Variants in ADAM22 observed in about 807,000 individuals in gnomAD.
ADAM22 encodes disintegrin and metalloproteinase domain-containing protein 22.
Under a neutral mutation model 144.6 loss-of-function variants are expected in ADAM22, and 65 were observed. That is an observed-to-expected ratio of 0.45 (90% CI 0.37 to 0.55). ADAM22 has a LOEUF of 0.55. Ranked by LOEUF, ADAM22 falls within the 20% of genes least tolerant of loss-of-function variation. ADAM22 has a pLI of 0.00. For synonymous variants in ADAM22, 391 were observed against 412.6 expected (o/e 0.95, Z 0.63); for missense variants, 974 against 1,184.9 (o/e 0.82, Z 2.61).
At chr7:88,118,548 G>A (rs977635947) in intron 7 of ADAM22, among the ~76,000 whole-genome samples, 11 of 151,808 alleles carry the variant, frequency 7.2e-5, no homozygotes, top group African/African-American at 1.9e-4. Flanking sequence ...GGGTATTACT[G>A]GGAGCAGTCA....
At chr7:88,110,079 T>C (rs1226723360) in intron 5 of ADAM22, among the ~76,000 whole-genome samples, 2 of 152,228 alleles carry the variant, frequency 1.3e-5, no homozygotes, top group African/African-American at 4.8e-5. Context: ...TTGTTTGTGC[T>C]AAAAGACTAC....
chr7:88,141,694 G>A (rs1834725899), intron 14 of ADAM22, among the ~76,000 whole-genome samples: 1 of 151,846 alleles, frequency 6.6e-6, no homozygotes, highest in Non-Finnish European at 1.5e-5. Context: ...ATTTTTCTGA[G>A]TCTGTTCTTC....
intron 17 of ADAM22, among the ~76,000 whole-genome samples, chr7:88,147,563 T>C (rs1199461641): frequency 6.6e-6 from 1 of 152,230 alleles, no homozygotes; most frequent in Non-Finnish European, 1.5e-5. Context: ...TCAGTGAAGT[T>C]TGACCCATGG....
rs762496835 is a variant in ADAM22, at chr7:87,934,547, G to T, written c.82G>T (p.Ala28Ser). The change falls in exon 1 of 32, where the codon GCA becomes TCA. Residue 28 changes from alanine (A) to serine (S), a missense_variant. Physicochemically the swap from Ala to Ser is moderately conservative, Grantham distance 99. Coordinates refer to ENST00000413139, the MANE Select transcript of ADAM22 (RefSeq NM_001324418.2). Reference protein sequence around the residue: ...GTCPPARCGQAGDASLMELEK... With the variant: ...GTCPPARCGQSGDASLMELEK... ...CTGCCCTCCGGCGCGCTGCGGCCAG[G>T]CAGGTAAGTTAGCCGTCCTCTGTGC... 1.2e-6 allele frequency: 2 copies of T among 1,607,222 alleles called. No individual in the cohort carries two copies. Among genetic ancestry groups the T allele is most frequent in the Middle Eastern group, 1.7e-4 (1 of 6,052 alleles).
chr7:87,934,406 C>G lies in ADAM22; in HGVS notation c.-60C>G. ...GGGGGCGCGGAGCGAGGGAAACGGA[C>G]TCGGCGGCGCCGGCATGAGGAGCTG... is the stretch of plus-strand genomic sequence containing the variant. On this transcript the variant is annotated 5_prime_UTR_variant, in exon 1 of 32. Transcript: ENST00000413139. 1.3e-6 allele frequency: 2 copies of G among 1,511,506 alleles called. No individual in the cohort carries two copies. Among genetic ancestry groups the G allele is most frequent in the Non-Finnish European group, 1.8e-6 (2 of 1,126,734 alleles). 93.6% of individuals were successfully genotyped at this position (1,511,506 alleles called of 1,614,324 possible).
At chr7:88,002,802 A>C (rs1308224883) in intron 3 of ADAM22, among the ~76,000 whole-genome samples, 1 of 152,186 alleles carries the variant, frequency 6.6e-6, no homozygotes, top group Non-Finnish European at 1.5e-5. Context: ...TGACCATTTT[A>C]TAAGACTGTT....
At chr7:87,999,063 T>C (rs970240299) in intron 3 of ADAM22, among the ~76,000 whole-genome samples, 2 of 152,212 alleles carry the variant, frequency 1.3e-5, no homozygotes, top group Non-Finnish European at 2.9e-5. Context: ...AAAAAGTTAC[T>C]GGTGAAAGAT....
At chr7:88,004,596 G>A (rs1289092673) in intron 3 of ADAM22, among the ~76,000 whole-genome samples, 1 of 152,138 alleles carries the variant, frequency 6.6e-6, no homozygotes, top group East Asian at 1.9e-4. Flanking sequence ...ATTGTGTAAG[G>A]CCACCCCTGG....
At chr7:87,983,708 C>T (rs1747527569) in intron 3 of ADAM22, among the ~76,000 whole-genome samples, 1 of 150,922 alleles carries the variant, frequency 6.6e-6, no homozygotes, top group South Asian at 2.1e-4. Flanking sequence ...GCATTTTTAT[C>T]TTTTTTTTTG....
intron 1 of ADAM22, 42 bp downstream of exon 1, chr7:87,934,592 C>T: frequency 6.4e-7 from 1 of 1,574,584 alleles, no homozygotes; most frequent in Non-Finnish European, 8.6e-7. Flanking sequence ...ATACCATTTC[C>T]CGGGAATCTT....
chr7:88,177,627 A>C (rs1486742647), intron 26 of ADAM22, among the ~76,000 whole-genome samples: 3 of 152,216 alleles, frequency 2.0e-5, no homozygotes, highest in Non-Finnish European at 4.4e-5. Context: ...ATACTAACTG[A>C]AAAATCTTTC....
chr7:88,084,322 G>A (rs941158921), intron 4 of ADAM22, among the ~76,000 whole-genome samples: 10 of 152,098 alleles, frequency 6.6e-5, no homozygotes, highest in African/African-American at 2.2e-4. Context: ...CTTTGTTGAT[G>A]GTTTTTCTAA....
At chr7:88,050,653 T>G (rs1168487884) in intron 3 of ADAM22, among the ~76,000 whole-genome samples, 1 of 152,206 alleles carries the variant, frequency 6.6e-6, no homozygotes, top group African/African-American at 2.4e-5. Flanking sequence ...TGCATAAATG[T>G]CTTCTTTTGA....
At chr7:88,116,093 C>A (rs368115653) in intron 6 of ADAM22, among the ~76,000 whole-genome samples, 1 of 152,112 alleles carries the variant, frequency 6.6e-6, no homozygotes, top group Admixed American at 6.6e-5. Flanking sequence ...TGGGTACCCA[C>A]TGCTGCCTGT....
chr7:88,120,173 A>AAT (rs962691701), intron 7 of ADAM22, among the ~76,000 whole-genome samples: 9 of 151,526 alleles, frequency 5.9e-5, no homozygotes, highest in East Asian at 1.9e-4. Context: ...GTTTTTTTTT[A>AAT]ATATATATAT....
chr7:88,076,469 G>A (rs1266544922), intron 4 of ADAM22, among the ~76,000 whole-genome samples: 1 of 152,124 alleles, frequency 6.6e-6, no homozygotes, highest in Non-Finnish European at 1.5e-5. Flanking sequence ...GTAGGTGTTT[G>A]CCTTTGCATT....
At chr7:88,148,805 TA>T (rs2129525026) in intron 17 of ADAM22, among the ~76,000 whole-genome samples, 171 bp from the exon 18 acceptor site, 2 of 152,324 alleles carry the variant, frequency 1.3e-5, no homozygotes, top group African/African-American at 4.8e-5. Context: ...AACTGTTTCT[TA>T]AAACTATTAA....
intron 29 of ADAM22, among the ~76,000 whole-genome samples, chr7:88,185,013 T>G (rs1192536389): frequency 6.6e-6 from 1 of 152,228 alleles, no homozygotes; most frequent in African/African-American, 2.4e-5. Flanking sequence ...TTTCACCTGA[T>G]TATAGCTGCA....
intron 14 of ADAM22, among the ~76,000 whole-genome samples, chr7:88,136,421 T>C (rs1832986981): frequency 6.6e-6 from 1 of 152,150 alleles, no homozygotes; most frequent in African/African-American, 2.4e-5. Flanking sequence ...ATTTCTGAGG[T>C]GTAAATAGTC....
Sources: allele counts gnomAD v4.1 joint callset (sites outside exome capture counted in the v4.1 genomes callset), GRCh38; gene constraint gnomAD v4.1.1; transcripts MANE v1.5; gene names NCBI Gene and HGNC (gene_info 2026-07-23, HGNC 2026-07-21).